Variants in TRABD2B observed in about 807,000 individuals in gnomAD.
The protein encoded by TRABD2B is TraB domain containing 2B.
A neutral mutation model predicts 40.1 loss-of-function variants in TRABD2B; 14 were observed. The observed-to-expected ratio is 0.35, with a 90% confidence interval of 0.23 to 0.55. The LOEUF is 0.55. Ranked by LOEUF, TRABD2B falls within the 20% of genes least tolerant of loss-of-function variation. The probability of loss-of-function intolerance (pLI) is 0.90; values close to 1 mark genes in which losing one functional copy is unlikely to be tolerated. For synonymous variants in TRABD2B, 263 were observed against 277.0 expected, an observed-to-expected ratio of 0.95 and a Z score of 0.50; for missense variants, 541 against 648.6, an observed-to-expected ratio of 0.83 and a Z score of 1.80.
intron 2 of TRABD2B, among the ~76,000 whole-genome samples, chr1:47,880,663 C>T (rs560013511): frequency 1.1e-4 from 17 of 152,230 alleles, no homozygotes; most frequent in African/African-American, 4.1e-4. Context: ...CTCCTCTGCC[C>T]CTCCGTGTTC....
chr1:47,780,843 G>C (rs781248962), intron 4 of TRABD2B, among the ~76,000 whole-genome samples: 3 of 152,228 alleles, frequency 2.0e-5, no homozygotes, highest in African/African-American at 4.8e-5. Flanking sequence ...TAGTGCTGTT[G>C]AGGACAAAAG....
chr1:47,821,277 A>G (rs1235267866), intron 2 of TRABD2B, among the ~76,000 whole-genome samples: 2 of 152,274 alleles, frequency 1.3e-5, no homozygotes, highest in East Asian at 3.9e-4. Flanking sequence ...ACAGAGAAAC[A>G]TATTAGCAGT....
At chr1:47,907,053 C>T (rs1322055483) in intron 2 of TRABD2B, among the ~76,000 whole-genome samples, 4 of 152,202 alleles carry the variant, frequency 2.6e-5, no homozygotes, top group East Asian at 3.9e-4. Context: ...ACCAGCCGGC[C>T]GCTGGCGTGG....
chr1:47,824,470 G>A (rs942573959), intron 2 of TRABD2B, among the ~76,000 whole-genome samples: 1 of 152,174 alleles, frequency 6.6e-6, no homozygotes, highest in Admixed American at 6.5e-5. Context: ...CAAACCTGTG[G>A]GTGGATGGGG....
At chr1:47,890,575 G>A (rs962421057) in intron 2 of TRABD2B, among the ~76,000 whole-genome samples, 5 of 152,132 alleles carry the variant, frequency 3.3e-5, no homozygotes, top group African/African-American at 1.2e-4. Flanking sequence ...TGCTGGGGGG[G>A]CCCAGGTGTC....
intron 2 of TRABD2B, among the ~76,000 whole-genome samples, chr1:47,992,305 A>G (rs151182395): frequency 1.3e-5 from 2 of 152,214 alleles, no homozygotes; most frequent in East Asian, 3.9e-4. Context: ...CTAAAACATA[A>G]CCTCACACAC....
intron 2 of TRABD2B, among the ~76,000 whole-genome samples, chr1:47,889,314 C>A (rs1644413669): frequency 1.3e-5 from 2 of 152,238 alleles, no homozygotes; most frequent in African/African-American, 4.8e-5. Context: ...TCATTTCACA[C>A]CACTTCTCTA....
intron 2 of TRABD2B, among the ~76,000 whole-genome samples, chr1:47,877,214 T>G (rs1239113219): frequency 2.3e-4 from 32 of 137,224 alleles, no homozygotes; most frequent in South Asian, 9.6e-4. Flanking sequence ...GGCTGGGGGG[T>G]GGGCAGGTGA....
chr1:47,927,395 T>C (rs1297052587), intron 2 of TRABD2B, among the ~76,000 whole-genome samples: 2 of 152,288 alleles, frequency 1.3e-5, no homozygotes, highest in East Asian at 1.9e-4. Context: ...CCCAAAGCCA[T>C]CCCATGGAAC....
chr1:47,900,368 T>G (rs1250601519), intron 2 of TRABD2B, among the ~76,000 whole-genome samples: 5 of 152,168 alleles, frequency 3.3e-5, no homozygotes, highest in Non-Finnish European at 5.9e-5. Flanking sequence ...ACCGAGCAAG[T>G]GCCACCTGCC....
intron 2 of TRABD2B, among the ~76,000 whole-genome samples, chr1:47,898,940 C>T (rs927886293): frequency 6.6e-6 from 1 of 152,160 alleles, no homozygotes; most frequent in South Asian, 2.1e-4. Context: ...GACTCATTCA[C>T]TCATTCATTC....
rs200834181 is a variant in TRABD2B at position 47,960,027 on chromosome 1, G to A, written c.666+34007C>T. On this transcript the variant is annotated intron_variant, in intron 2 of 6. Coordinates refer to ENST00000606738, the MANE Select transcript of TRABD2B (RefSeq NM_001194986.2). ...AAGCTTATCCACCACGATCAAGCTG[G>A]CTTCATCCCTAGGATGCAAGGCTGG... Among the ~76,000 whole-genome samples, 40 of 152,286 alleles carry A rather than the reference G, an allele frequency of 2.6e-4. 1 individual carries two copies. In the East Asian group the frequency reaches 6.0e-3, roughly 23 times the overall value.
At chr1:47,881,423 G>A (rs1156857997) in intron 2 of TRABD2B, among the ~76,000 whole-genome samples, 1 of 152,186 alleles carries the variant, frequency 6.6e-6, no homozygotes, top group Non-Finnish European at 1.5e-5. Flanking sequence ...GGAGTGCTTA[G>A]TATACACCAG....
chr1:47,848,454 C>T (rs1427581532), intron 2 of TRABD2B, among the ~76,000 whole-genome samples: 1 of 152,112 alleles, frequency 6.6e-6, no homozygotes, highest in African/African-American at 2.4e-5. Flanking sequence ...GCTCACAGGC[C>T]CACAGGGGAT....
intron 2 of TRABD2B, among the ~76,000 whole-genome samples, chr1:47,846,165 A>G (rs1251546800): frequency 6.6e-6 from 1 of 152,268 alleles, no homozygotes; most frequent in Non-Finnish European, 1.5e-5. Context: ...GCATATAGCT[A>G]AGATGTGGTT....
At chr1:47,907,037 G>C (rs898378862) in intron 2 of TRABD2B, among the ~76,000 whole-genome samples, 1 of 152,200 alleles carries the variant, frequency 6.6e-6, no homozygotes. Flanking sequence ...GGCAGCCCGT[G>C]CGAGCACCAG....
intron 2 of TRABD2B, among the ~76,000 whole-genome samples, chr1:47,981,522 T>C (rs1234573844): frequency 1.8e-4 from 27 of 152,076 alleles, no homozygotes. Context: ...GCAGTGCACA[T>C]AAAGGGCTCA....
chr1:47,784,633 C>T (rs534435892), intron 4 of TRABD2B, among the ~76,000 whole-genome samples: 3 of 152,320 alleles, frequency 2.0e-5, no homozygotes, highest in Admixed American at 6.5e-5. Flanking sequence ...CAGGACAGGC[C>T]GGCCGGATAT....
intron 2 of TRABD2B, among the ~76,000 whole-genome samples, chr1:47,965,095 T>C (rs1176033374): frequency 6.6e-6 from 1 of 150,828 alleles, no homozygotes; most frequent in Admixed American, 6.6e-5. Context: ...TTGATTTTTC[T>C]TCCAGGACTT....
Sources: gnomAD v4.1 joint callset for allele counts (sites outside exome capture counted in the v4.1 genomes callset) on GRCh38, gnomAD v4.1.1 for gene constraint, MANE v1.5 for transcripts, NCBI Gene and HGNC (gene_info 2026-07-23, HGNC 2026-07-21) for gene names.